KAZN: variants seen among roughly 807,000 people sequenced by gnomAD.
KAZN encodes the protein kazrin.
In KAZN, 40 loss-of-function variants were observed where a neutral mutation model predicts 87.4. The observed-to-expected ratio is 0.46, with a 90% CI of 0.36 to 0.60. The LOEUF (loss-of-function observed/expected upper bound fraction) is 0.60, where lower values mean the gene tolerates loss of function less well. Among genes scored for constraint, KAZN ranks in the 20% least tolerant of loss-of-function variants. KAZN has a pLI of 0.00. For synonymous variants in KAZN, 466 were observed against 458.3 expected, an observed-to-expected ratio of 1.02 and a Z score of -0.22; for missense variants, 898 against 1,073.9, an observed-to-expected ratio of 0.84 and a Z score of 2.29.
chr1:14,572,044 C>T (rs949486982), intron 2 of KAZN, among the ~76,000 whole-genome samples: 1 of 152,192 alleles, frequency 6.6e-6, no homozygotes, highest in African/African-American at 2.4e-5. Context: ...AAGGCTGCCC[C>T]CTGCAGCTTC....
At chr1:14,881,319 G>A (rs565117476) in intron 1 of KAZN, among the ~76,000 whole-genome samples, 42 of 152,288 alleles carry the variant, frequency 2.8e-4, no homozygotes, top group African/African-American at 9.4e-4. Flanking sequence ...TGTCAAAACT[G>A]GTAGGTGCAG....
chr1:15,018,045 C>T (rs576619433), intron 2 of KAZN, among the ~76,000 whole-genome samples: 4 of 152,248 alleles, frequency 2.6e-5, no homozygotes, highest in Admixed American at 6.5e-5. Flanking sequence ...GGCTTCCCCC[C>T]AGCCTGCAAA....
chr1:14,602,258 C>T (rs1056151484), intron 1 of KAZN, among the ~76,000 whole-genome samples: 7 of 152,184 alleles, frequency 4.6e-5, no homozygotes, highest in Admixed American at 2.6e-4. Flanking sequence ...TCTGGGCTTT[C>T]GGCACTTCGG....
At chr1:14,473,596 G>A (rs1248937948) in intron 2 of KAZN, among the ~76,000 whole-genome samples, 5 of 147,802 alleles carry the variant, frequency 3.4e-5, no homozygotes, top group African/African-American at 7.5e-5. Context: ...ACAAGATCGC[G>A]CCACTGCACT....
intron 2 of KAZN, among the ~76,000 whole-genome samples, chr1:14,294,560 G>A (rs531358776): frequency 1.3e-5 from 2 of 151,474 alleles, no homozygotes; most frequent in African/African-American, 2.4e-5. Context: ...CAGCTAGTAA[G>A]GAAAGACCTG....
chr1:14,819,770 C>G (rs921355713), intron 1 of KAZN, among the ~76,000 whole-genome samples: 2 of 140,528 alleles, frequency 1.4e-5, no homozygotes, highest in African/African-American at 5.5e-5. Flanking sequence ...TGCAGTGGTA[C>G]GGTATCGGCT....
chr1:15,039,853 C>T (rs887990926), intron 3 of KAZN, among the ~76,000 whole-genome samples: 6 of 152,280 alleles, frequency 3.9e-5, no homozygotes, highest in South Asian at 2.1e-4. Flanking sequence ...CTATGACTGC[C>T]GGGGGCAGCT....
Position 14,485,621 on chromosome 1 carries a change from G to A in KAZN, c.250-113362G>A, listed in dbSNP as rs187921764. ...CAATTAAAAGTGGATCTGGACCTGCGTGGTGGCTCACACCTGTAATCCCAG... is the reference window on the plus strand; with the variant it reads ...CAATTAAAAGTGGATCTGGACCTGCATGGTGGCTCACACCTGTAATCCCAG... On this transcript the variant is annotated intron_variant, in intron 2 of 16. Transcript: ENST00000636203. Among the ~76,000 whole-genome samples, 12 of 152,260 alleles carry A rather than the reference G, an allele frequency of 7.9e-5. No individual in the cohort carries two copies. In the South Asian group the frequency reaches 1.0e-3, roughly 13 times the overall value.
chr1:14,642,852 G>A (rs567989992), intron 1 of KAZN, among the ~76,000 whole-genome samples: 1 of 152,082 alleles, frequency 6.6e-6, no homozygotes, highest in Non-Finnish European at 1.5e-5. Flanking sequence ...AAAAAAAATG[G>A]CCTAAATGAA....
chr1:14,928,656 C>T (rs1449447903), intron 1 of KAZN, among the ~76,000 whole-genome samples: 1 of 152,164 alleles, frequency 6.6e-6, no homozygotes, highest in Non-Finnish European at 1.5e-5. Flanking sequence ...TGTGCTGGGA[C>T]TGGATGAGAT....
intron 1 of KAZN, among the ~76,000 whole-genome samples, chr1:14,916,273 G>A (rs183221480): frequency 5.2e-4 from 75 of 143,580 alleles, no homozygotes; most frequent in Middle Eastern, 3.6e-3. Context: ...GGGTTCAAGC[G>A]ATTCTCCTGC....
intron 1 of KAZN, among the ~76,000 whole-genome samples, chr1:13,987,577 G>A (rs765521688): frequency 1.3e-5 from 2 of 152,032 alleles, no homozygotes; most frequent in Non-Finnish European, 2.9e-5. Flanking sequence ...TCTGGGGACT[G>A]GGAAGTCCAA....
intron 2 of KAZN, among the ~76,000 whole-genome samples, chr1:14,585,181 G>C (rs1675778983): frequency 6.6e-6 from 1 of 152,212 alleles, no homozygotes; most frequent in Admixed American, 6.5e-5. Context: ...AGAACTCTGA[G>C]GAAATACATT....
At chr1:13,936,171 A>G (rs955871618) in intron 1 of KAZN, among the ~76,000 whole-genome samples, 9 of 135,018 alleles carry the variant, frequency 6.7e-5, no homozygotes, top group African/African-American at 2.5e-4. Context: ...ATCTCGGCAC[A>G]CCACAACCTC....
At chr1:14,639,588 A>T (rs892437890) in intron 1 of KAZN, among the ~76,000 whole-genome samples, 1 of 152,056 alleles carries the variant, frequency 6.6e-6, no homozygotes, top group Admixed American at 6.5e-5. Flanking sequence ...GGAGAGGCCG[A>T]GTGGCTTCCT....
intron 13 of KAZN, among the ~76,000 whole-genome samples, chr1:15,104,440 C>T (rs1329324473): frequency 6.6e-6 from 1 of 152,094 alleles, no homozygotes; most frequent in Non-Finnish European, 1.5e-5. Flanking sequence ...TATATTAGAT[C>T]AAAAAACACC....
rs939896548 is a variant in KAZN, at chr1:15,087,609, G to C, written c.1223-6571G>C. Among the ~76,000 whole-genome samples the C allele has an allele frequency of 3.3e-5, 5 of 152,162 alleles. No homozygotes were observed. In the East Asian group the frequency reaches 9.7e-4, roughly 29 times the overall value. On this transcript the variant is annotated intron_variant, in intron 8 of 14. Coordinates refer to ENST00000376030, the MANE Select transcript of KAZN (RefSeq NM_201628.3). Reference sequence around the variant, plus strand: ...GGGGTTTCACCATGTCGGCCAGGGTGGTCTTGACCTCAGGTGATCCACCCA... The same window carrying C: ...GGGGTTTCACCATGTCGGCCAGGGTCGTCTTGACCTCAGGTGATCCACCCA...
chr1:14,466,900 T>C (rs377424226), intron 2 of KAZN, among the ~76,000 whole-genome samples: 54 of 151,630 alleles, frequency 3.6e-4, no homozygotes, highest in African/African-American at 1.1e-3. Context: ...ACCCAGGAGG[T>C]GGAGGTTGCA....
intron 2 of KAZN, among the ~76,000 whole-genome samples, chr1:15,008,828 T>G (rs1669294041): frequency 6.6e-6 from 1 of 152,144 alleles, no homozygotes; most frequent in Admixed American, 6.5e-5. Flanking sequence ...GCGGCAAGGC[T>G]GAGGTCCCAT....
Sources: gnomAD v4.1 joint callset for allele counts (sites outside exome capture counted in the v4.1 genomes callset) on GRCh38, gnomAD v4.1.1 for gene constraint, MANE v1.5 for transcripts, NCBI Gene and HGNC (gene_info 2026-07-23, HGNC 2026-07-21) for gene names.